Variants in MAEA observed in about 807,000 individuals in gnomAD.
MAEA encodes the protein macrophage erythroblast attacher, E3 ubiquitin ligase, also known as E3 ubiquitin-protein transferase MAEA.
In MAEA, 22 loss-of-function variants were observed where a neutral mutation model predicts 46.2. That is an observed-to-expected ratio of 0.48 (90% CI 0.34 to 0.68). The LOEUF (loss-of-function observed/expected upper bound fraction) is 0.68, where lower values mean the gene tolerates loss of function less well. MAEA is among the 30% of genes least tolerant of loss of function. The pLI is 0.01. For synonymous variants in MAEA, 246 were observed against 222.6 expected, an observed-to-expected ratio of 1.11 and a Z score of -0.94; for missense variants, 393 against 558.1, an observed-to-expected ratio of 0.70 and a Z score of 2.98.
chr4:1,303,232 C>CAAAAAAAAAAAA (rs71168823), intron 1 of MAEA, among the ~76,000 whole-genome samples: 65 of 65,486 alleles, frequency 9.9e-4, no homozygotes, highest in African/African-American at 2.9e-3. Context: ...ACTAAAAATA[C>CAAAAAAAAAAAA]AAAAAAAAAA....
At chr4:1,328,011 G>A (rs1739067028) in intron 5 of MAEA, among the ~76,000 whole-genome samples, 1 of 152,250 alleles carries the variant, frequency 6.6e-6, no homozygotes, top group African/African-American at 2.4e-5. Flanking sequence ...CGTGGATCAG[G>A]CTCCCGGCAC....
chr4:1,311,418 G>A lies in MAEA; in HGVS notation c.70-561G>A, dbSNP rs901655827. Among the ~76,000 whole-genome samples the A allele has an allele frequency of 3.3e-5, 5 of 152,260 alleles. No individual in the cohort carries two copies. Among genetic ancestry groups the A allele is most frequent in the Admixed American group, 3.3e-4 (5 of 15,286 alleles). On this transcript the variant is annotated intron_variant, in intron 1 of 8. Transcript: ENST00000303400. This position sits in a 1 kb window ranked among gnomAD's most constrained non-coding sequence, Gnocchi z 4.4. The stretch of plus-strand genomic sequence containing the variant: ...GATTGGCTTATTTCCACAGGGAATG[G>A]ATGGTTCTTACGACTGGGGAAGGCA...
intron 1 of MAEA, among the ~76,000 whole-genome samples, chr4:1,310,715 G>T (rs944907565): frequency 1.3e-5 from 2 of 152,228 alleles, no homozygotes; most frequent in Admixed American, 6.5e-5. Context: ...GTCCACGTCG[G>T]CGCTGGGGGA....
chr4:1,323,003 G>A lies in MAEA; in HGVS notation c.579+500G>A, dbSNP rs181755429. Reference sequence around the variant, plus strand: ...CGGAGTCTCGCTTTGTCGCCAGGGTGGAGTGCAGTGGCACGATCTTGGCTC... The same window carrying A: ...CGGAGTCTCGCTTTGTCGCCAGGGTAGAGTGCAGTGGCACGATCTTGGCTC... On this transcript the variant is annotated intron_variant, in intron 4 of 8. Transcript: ENST00000303400. Among the ~76,000 whole-genome samples, 7 of 145,468 alleles carry A rather than the reference G, an allele frequency of 4.8e-5. No individual in the cohort carries two copies. The Admixed American group carries it at 5.0e-4, about 10-fold the overall frequency.
At position 1,290,942 on chromosome 4, in the gene MAEA, C is replaced by A. The variant is rs555867936; in HGVS notation, c.69+960C>A. 5.9e-5 allele frequency among the ~76,000 whole-genome samples: 9 copies of A among 152,274 alleles called. No individual in the cohort carries two copies. The South Asian group carries it at 1.9e-3, about 32-fold the overall frequency. On this transcript the variant is annotated intron_variant, in intron 1 of 8. Coordinates refer to ENST00000303400, the MANE Select transcript of MAEA (RefSeq NM_001017405.3). ...CGTCCTTACTGGGAGACATCAGGGC[C>A]CGGTTGGTGACTGTTTATTCTTGTC...
intron 6 of MAEA, chr4:1,335,697 C>T (rs1364391304): frequency 1.0e-6 from 1 of 977,022 alleles, no homozygotes. Context: ...GTGTTGAAAC[C>T]ACAGAGTTAA....
intron 6 of MAEA, chr4:1,335,015 C>T (rs775211290): frequency 4.1e-6 from 4 of 985,328 alleles, no homozygotes; most frequent in Non-Finnish European, 4.8e-6. Context: ...ACCACCTCCC[C>T]TCCCTCCAGG....
intron 2 of MAEA, among the ~76,000 whole-genome samples, chr4:1,314,144 A>G (rs1045238059): frequency 2.0e-5 from 3 of 152,082 alleles, no homozygotes; most frequent in Non-Finnish European, 4.4e-5. Context: ...CCTGGCCAAC[A>G]TGGCGAAACC....
chr4:1,329,929 G>T (rs1739322982), intron 5 of MAEA: 1 of 985,416 alleles, frequency 1.0e-6, no homozygotes. Context: ...GGTCCACATG[G>T]CGCTGGAGCG....
intron 2 of MAEA, among the ~76,000 whole-genome samples, chr4:1,314,990 T>C (rs1338145687): frequency 2.0e-5 from 3 of 152,222 alleles, no homozygotes; most frequent in Non-Finnish European, 2.9e-5. Flanking sequence ...GCCTGGAACG[T>C]TTCTATCTAG....
At chr4:1,315,957 G>A (rs1320953679) in intron 3 of MAEA, among the ~76,000 whole-genome samples, 2 of 139,278 alleles carry the variant, frequency 1.4e-5, no homozygotes, top group African/African-American at 5.3e-5. Flanking sequence ...CCAGCTGAGA[G>A]GCCCTGACCC....
intron 3 of MAEA, among the ~76,000 whole-genome samples, chr4:1,318,279 G>T (rs1016237049): frequency 2.0e-5 from 3 of 152,240 alleles, no homozygotes; most frequent in Non-Finnish European, 4.4e-5. Context: ...GGCTGCTGAA[G>T]CATGAGCTGT....
At chr4:1,312,272 G>A in intron 2 of MAEA, 111 bp downstream of exon 2, 1 of 1,376,170 alleles carries the variant, frequency 7.3e-7, no homozygotes, top group Non-Finnish European at 9.9e-7. Context: ...GGGAGGTGCG[G>A]TTGGGGGCCC....
At chr4:1,323,792 AG>A (rs1738445629) in intron 4 of MAEA, among the ~76,000 whole-genome samples, 1 of 152,176 alleles carries the variant, frequency 6.6e-6, no homozygotes, top group Non-Finnish European at 1.5e-5. Flanking sequence ...GTGTTGCTGG[AG>A]GGTGTTGGAG....
At chr4:1,316,129 A>G (rs1171972486) in intron 3 of MAEA, among the ~76,000 whole-genome samples, 1 of 151,954 alleles carries the variant, frequency 6.6e-6, no homozygotes, top group African/African-American at 2.4e-5. Context: ...CACATGCTCC[A>G]TTGCTTCCTC....
intron 1 of MAEA, among the ~76,000 whole-genome samples, chr4:1,302,772 G>A (rs1444366588): frequency 2.0e-5 from 3 of 152,278 alleles, no homozygotes; most frequent in East Asian, 1.9e-4. Context: ...GAGCCACCGC[G>A]CCCAGCCAAG....
At chr4:1,315,036 A>C (rs1038516268) in intron 2 of MAEA, among the ~76,000 whole-genome samples, 5 of 152,248 alleles carry the variant, frequency 3.3e-5, no homozygotes, top group Admixed American at 2.6e-4. Context: ...CTTTAAGAAA[A>C]AAAGTATTGC....
chr4:1,327,506 G>A (rs1449296525), intron 4 of MAEA, 121 bp from the exon 5 acceptor site: 11 of 763,068 alleles, frequency 1.4e-5, no homozygotes, highest in African/African-American at 1.0e-4. Flanking sequence ...CCCCGTGCCT[G>A]TGAGAGAGGG....
chr4:1,339,178 T>C lies in MAEA; in HGVS notation c.*9T>C. On this transcript the variant is annotated 3_prime_UTR_variant, in exon 9 of 9. Transcript: ENST00000303400. ...AGGTGTACATCATGTAGGCCCCACG[T>C]CGTGAAGCGCACGCCTCGGGGACGG... The C allele has an allele frequency of 6.2e-7, 1 of 1,611,184 alleles. No individual in the cohort carries two copies. Among genetic ancestry groups the C allele is most frequent in the Non-Finnish European group, 8.5e-7 (1 of 1,177,606 alleles).
Sources: allele counts gnomAD v4.1 joint callset (sites outside exome capture counted in the v4.1 genomes callset), GRCh38; gene constraint gnomAD v4.1.1; non-coding constraint Gnocchi (gnomAD v3.1); transcripts MANE v1.5; gene names NCBI Gene and HGNC (gene_info 2026-07-23, HGNC 2026-07-21).